Variants in JAM3 observed in about 807,000 individuals in gnomAD.
JAM3 encodes the protein junctional adhesion molecule 3, also known as junctional adhesion molecule C.
In JAM3, 31 loss-of-function variants were observed where a neutral mutation model predicts 39.4. The ratio of observed to expected loss-of-function variants is 0.79; its 90% CI spans 0.59 to 1.06. The LOEUF (loss-of-function observed/expected upper bound fraction) is 1.06. Among genes scored for constraint, JAM3 ranks in the 50% least tolerant of loss-of-function variants. The pLI, the probability that JAM3 is intolerant of heterozygous loss-of-function variation, is 0.00. For synonymous variants in JAM3, 182 were observed against 148.7 expected (o/e 1.22, Z -1.63); for missense variants, 455 against 391.4 (o/e 1.16, Z -1.37).
At chr11:134,130,743 G>A (rs1327851411) in intron 1 of JAM3, among the ~76,000 whole-genome samples, 6 of 152,184 alleles carry the variant, frequency 3.9e-5, no homozygotes, top group East Asian at 1.9e-4. Context: ...CAGCTATTCC[G>A]CAGCTTTCCT....
At chr11:134,127,961 G>A (rs1942683776) in intron 1 of JAM3, among the ~76,000 whole-genome samples, 1 of 151,992 alleles carries the variant, frequency 6.6e-6, no homozygotes, top group South Asian at 2.1e-4. Context: ...CTTTCTTGTT[G>A]GGAACCAAGT....
At chr11:134,101,199 C>T (rs1220571851) in intron 1 of JAM3, among the ~76,000 whole-genome samples, 1 of 152,236 alleles carries the variant, frequency 6.6e-6, no homozygotes. Context: ...GAACTTCATA[C>T]ATATTGCTTA....
chr11:134,129,431 A>C (rs540994232), intron 1 of JAM3, among the ~76,000 whole-genome samples: 4 of 152,058 alleles, frequency 2.6e-5, no homozygotes, highest in African/African-American at 9.7e-5. Flanking sequence ...TCAAGTTCTT[A>C]TAAGGACACT....
intron 1 of JAM3, among the ~76,000 whole-genome samples, chr11:134,097,390 C>T (rs1942002917): frequency 6.6e-6 from 1 of 152,228 alleles, no homozygotes. Flanking sequence ...TTCTACAGCA[C>T]TTGCTCAGGA....
At chr11:134,108,703 C>T (rs1231104661) in intron 1 of JAM3, among the ~76,000 whole-genome samples, 1 of 152,142 alleles carries the variant, frequency 6.6e-6, no homozygotes, top group African/African-American at 2.4e-5. Context: ...ATATTACATT[C>T]TCAACAGATG....
intron 3 of JAM3, among the ~76,000 whole-genome samples, chr11:134,143,685 C>T (rs773126807): frequency 2.0e-5 from 3 of 152,176 alleles, no homozygotes; most frequent in Admixed American, 6.5e-5. Context: ...TGATGAAGTC[C>T]GGTGTAACTG....
intron 1 of JAM3, among the ~76,000 whole-genome samples, chr11:134,078,467 C>G (rs1941609568): frequency 6.6e-6 from 1 of 152,180 alleles, no homozygotes; most frequent in Non-Finnish European, 1.5e-5. Flanking sequence ...ACACTCCTAC[C>G]CATCTTTCTG....
At chr11:134,103,815 C>T (rs925561809) in intron 1 of JAM3, among the ~76,000 whole-genome samples, 1 of 152,098 alleles carries the variant, frequency 6.6e-6, no homozygotes, top group Non-Finnish European at 1.5e-5. Context: ...GCTAACTATC[C>T]TAAATATATA....
At chr11:134,089,551 A>C (rs1941805541) in intron 1 of JAM3, among the ~76,000 whole-genome samples, 1 of 152,022 alleles carries the variant, frequency 6.6e-6, no homozygotes, top group Non-Finnish European at 1.5e-5. Flanking sequence ...GAGTGAGAAC[A>C]TGTGGTGTTT....
At chr11:134,091,836 GT>G (rs36015656) in intron 1 of JAM3, among the ~76,000 whole-genome samples, 35,093 of 141,340 alleles carry the variant, frequency 0.25, 4,680 homozygotes, top group East Asian at 0.4. Context: ...GGGGGTGTGG[GT>G]TTTTTTTTTT....
At position 134,105,607 on chromosome 11, in the gene JAM3, C is replaced by A. The variant is rs572862240; in HGVS notation, c.77-34244C>A. Among the ~76,000 whole-genome samples the A allele has an allele frequency of 1.2e-4, 18 of 152,294 alleles. No homozygotes were observed. The South Asian group carries it at 2.9e-3, about 25-fold the overall frequency. ...TGATTGTATATTTAGAAAACCCCATCATCTCAGCCCAAAATCTCCTTAAGC... is the reference window on the plus strand; with the variant it reads ...TGATTGTATATTTAGAAAACCCCATAATCTCAGCCCAAAATCTCCTTAAGC... On this transcript the variant is annotated intron_variant, in intron 1 of 8. Coordinates refer to ENST00000299106, the MANE Select transcript of JAM3 (RefSeq NM_032801.5).
chr11:134,141,469 G>A lies in JAM3; in HGVS notation c.256+699G>A, dbSNP rs78064210. Among the ~76,000 whole-genome samples the A allele has an allele frequency of 8.7e-3, 1,325 of 152,140 alleles. 20 individuals carry two copies. Among genetic ancestry groups the A allele is most frequent in the African/African-American group, 0.03 (1,227 of 41,500 alleles). On this transcript the variant is annotated intron_variant, in intron 3 of 8. Transcript: ENST00000299106. Reference sequence around the variant, plus strand: ...GAGAGGGAGGAGAGGGGGGAGAGGGGCTGGAGAGGTTGCCTGGCCAGGCAG... The same window carrying A: ...GAGAGGGAGGAGAGGGGGGAGAGGGACTGGAGAGGTTGCCTGGCCAGGCAG...
intron 1 of JAM3, among the ~76,000 whole-genome samples, chr11:134,113,199 GT>G (rs202003305): frequency 1.3e-3 from 189 of 144,838 alleles, no homozygotes; most frequent in East Asian, 4.0e-3. Context: ...GGACTGTCTG[GT>G]TTTTTTTTTT....
At chr11:134,087,248 G>C (rs1591772875) in intron 1 of JAM3, among the ~76,000 whole-genome samples, 1 of 152,000 alleles carries the variant, frequency 6.6e-6, no homozygotes, top group African/African-American at 2.4e-5. Flanking sequence ...TTGCATATTA[G>C]GAAAAAGTAG....
chr11:134,108,156 T>A (rs1942236199), intron 1 of JAM3, among the ~76,000 whole-genome samples: 1 of 152,092 alleles, frequency 6.6e-6, no homozygotes, highest in African/African-American at 2.4e-5. Flanking sequence ...GAAAATATTA[T>A]GAACAACTTT....
At chr11:134,095,655 A>G (rs957533819) in intron 1 of JAM3, among the ~76,000 whole-genome samples, 2 of 151,994 alleles carry the variant, frequency 1.3e-5, no homozygotes, top group African/African-American at 4.8e-5. Flanking sequence ...TTGTTCTAAT[A>G]TTAAATACAA....
intron 1 of JAM3, among the ~76,000 whole-genome samples, chr11:134,090,267 G>C (rs545085521): frequency 5.9e-5 from 9 of 152,264 alleles, no homozygotes; most frequent in South Asian, 2.1e-4. Flanking sequence ...CCTGTTCACT[G>C]TGATGGTAGT....
intron 1 of JAM3, among the ~76,000 whole-genome samples, chr11:134,116,984 G>T (rs1158354614): frequency 6.6e-6 from 1 of 151,672 alleles, no homozygotes; most frequent in South Asian, 2.1e-4. Context: ...CCAAGACAAG[G>T]ATATCTGCTC....
chr11:134,144,681 G>T, intron 4 of JAM3, 111 bp from the exon 5 acceptor site: 1 of 1,013,918 alleles, frequency 9.9e-7, no homozygotes, highest in Admixed American at 1.8e-5. Flanking sequence ...CAGCAGTGGC[G>T]TGGGAACCCC....
Sources: allele counts gnomAD v4.1 joint callset (sites outside exome capture counted in the v4.1 genomes callset), GRCh38; gene constraint gnomAD v4.1.1; transcripts MANE v1.5; gene names NCBI Gene and HGNC (gene_info 2026-07-23, HGNC 2026-07-21).